GALK2: variants seen among roughly 807,000 people sequenced by gnomAD.
GALK2 encodes N-acetylgalactosamine kinase.
In GALK2, 36 loss-of-function variants were observed where a neutral mutation model predicts 52.4. The observed-to-expected ratio is 0.69, with a 90% confidence interval of 0.53 to 0.91. The LOEUF (loss-of-function observed/expected upper bound fraction) is 0.91. Ranked by LOEUF, GALK2 falls within the 40% of genes least tolerant of loss-of-function variation. GALK2 has a pLI of 0.00. For missense variants in GALK2, 579 were observed against 559.1 expected (o/e 1.04, Z -0.36); for synonymous variants, 176 against 199.1 (o/e 0.88, Z 0.98).
In GALK2 at chr15:49,341,014, G is replaced by C. The variant is rs527916506; in HGVS notation, c.426+21209G>C. Among the ~76,000 whole-genome samples, 87 of 152,254 alleles carry C rather than the reference G, an allele frequency of 5.7e-4. 1 individual carries two copies. Among genetic ancestry groups the C allele is most frequent in the Admixed American group, 4.8e-3 (74 of 15,286 alleles). ...CAGCTATCCCAGTACCATTTATTGA[G>C]TAGGAAGTCCTTTCCCCATTGCTTG... is the stretch of plus-strand genomic sequence containing the variant. On this transcript the variant is annotated intron_variant, in intron 3 of 3. Coordinates refer to the GALK2 transcript ENST00000558399.
chr15:49,362,906 C>G (rs1003743718), intron 3 of GALK2, among the ~76,000 whole-genome samples: 6 of 152,010 alleles, frequency 3.9e-5, no homozygotes, highest in African/African-American at 1.5e-4. Context: ...CTTGTTTTGT[C>G]AACTTTGTCA....
intron 5 of GALK2, among the ~76,000 whole-genome samples, chr15:49,274,994 A>G (rs150723694): frequency 8.5e-5 from 13 of 152,224 alleles, no homozygotes; most frequent in African/African-American, 3.1e-4. Context: ...TAAGTAGAAG[A>G]CATATGCTCT....
intron 3 of GALK2, among the ~76,000 whole-genome samples, chr15:49,220,466 CTTTA>C (rs529756902): frequency 5.1e-4 from 78 of 151,976 alleles, no homozygotes; most frequent in Non-Finnish European, 9.0e-4. Flanking sequence ...TATACATTTT[CTTTA>C]TTTATTCATC....
intron 5 of GALK2, among the ~76,000 whole-genome samples, chr15:49,249,867 T>C (rs2091513589): frequency 6.6e-6 from 1 of 152,234 alleles, no homozygotes; most frequent in Admixed American, 6.5e-5. Flanking sequence ...TTCCTCTTCC[T>C]TATTTGGAGG....
chr15:49,283,045 C>CA (rs1173507103), intron 6 of GALK2, among the ~76,000 whole-genome samples: 1 of 152,186 alleles, frequency 6.6e-6, no homozygotes, highest in African/African-American at 2.4e-5. Context: ...TCTCACCCCT[C>CA]AAACTGTAAG....
At chr15:49,289,810 C>T (rs1266261357) in intron 7 of GALK2, among the ~76,000 whole-genome samples, 2 of 152,156 alleles carry the variant, frequency 1.3e-5, no homozygotes, top group Admixed American at 1.3e-4. Flanking sequence ...ATTTTTGTCA[C>T]AGGGCCTGCG....
intron 1 of GALK2, among the ~76,000 whole-genome samples, chr15:49,186,479 G>A (rs1159235457): frequency 1.3e-5 from 2 of 149,480 alleles, no homozygotes; most frequent in Admixed American, 6.7e-5. Context: ...TTATTTTAAT[G>A]TATTTGTTAA....
intron 3 of GALK2, chr15:49,366,735 G>T: frequency 1.0e-6 from 1 of 967,216 alleles, no homozygotes; most frequent in Non-Finnish European, 1.6e-6. Context: ...ACTAGGTGGG[G>T]TAGGCTGGGA....
intron 1 of GALK2, chr15:49,156,204 T>G: frequency 1.6e-6 from 1 of 616,794 alleles, no homozygotes; most frequent in South Asian, 1.9e-5. Context: ...GCCTTAAATC[T>G]TACTCAGTTG....
At chr15:49,333,936 AT>A (rs1287337748), downstream of GALK2, among the ~76,000 whole-genome samples, 2 of 151,898 alleles carry the variant, frequency 1.3e-5, no homozygotes, top group Non-Finnish European at 2.9e-5. Flanking sequence ...GACCAGCTAA[AT>A]CTGTTGTTTT....
At chr15:49,195,927 T>C (rs560663744) in intron 1 of GALK2, among the ~76,000 whole-genome samples, 34 of 152,184 alleles carry the variant, frequency 2.2e-4, no homozygotes, top group African/African-American at 4.1e-4. Flanking sequence ...CAGACTATTA[T>C]AGTTTCTGAT....
chr15:49,235,707 TTTTGCTGTAGACACACAG>T, intron 3 of GALK2, 126 bp from the exon 4 acceptor site: 1 of 770,030 alleles, frequency 1.3e-6, no homozygotes, highest in Non-Finnish European at 2.4e-6. Context: ...GCTGGAGATG[TTTTGCTGTAGACACACAG>T]TTTGAACATA....
chr15:49,156,501 A>C (rs2084456070), intron 1 of GALK2: 1 of 498,956 alleles, frequency 2.0e-6, no homozygotes, highest in South Asian at 1.6e-5. Context: ...AAAGATGACA[A>C]GCTGCTGTCA....
At position 49,161,527 on chromosome 15, in the gene GALK2, A is replaced by G. The variant is rs181856762; in HGVS notation, c.20+5511A>G. Among the ~76,000 whole-genome samples the G allele has an allele frequency of 1.1e-3, 161 of 152,252 alleles. 1 individual carries two copies. The highest frequency in any genetic ancestry group is 3.7e-3 in the African/African-American group (152 of 41,546). ...TTTTTCTTGACATTAATTTTATTCA[A>G]TGGTAAATAATAGAAAATTGTAATT... On this transcript the variant is annotated intron_variant, in intron 1 of 9. Coordinates refer to the GALK2 transcript ENST00000327171.
At chr15:49,171,647 G>A (rs1190975785) in intron 1 of GALK2, among the ~76,000 whole-genome samples, 1 of 152,096 alleles carries the variant, frequency 6.6e-6, no homozygotes, top group Non-Finnish European at 1.5e-5. Flanking sequence ...ATACTCTAGA[G>A]GTTCTTGTAT....
intron 8 of GALK2, among the ~76,000 whole-genome samples, chr15:49,309,811 G>A (rs112511962): frequency 6.6e-6 from 1 of 151,986 alleles, no homozygotes; most frequent in Non-Finnish European, 1.5e-5. Context: ...GTAGAGACAG[G>A]TTTCTCCATG....
At chr15:49,270,451 G>T (rs1337898638) in intron 5 of GALK2, among the ~76,000 whole-genome samples, 1 of 152,146 alleles carries the variant, frequency 6.6e-6, no homozygotes, top group Non-Finnish European at 1.5e-5. Context: ...AAAATATAAT[G>T]AAAATCACCT....
chr15:49,354,623 G>C (rs2042800607), intron 3 of GALK2, among the ~76,000 whole-genome samples: 1 of 152,232 alleles, frequency 6.6e-6, no homozygotes, highest in Non-Finnish European at 1.5e-5. Flanking sequence ...CTGATTGCTA[G>C]CACAGCAGTC....
chr15:49,204,927 A>G (rs2088140358), intron 2 of GALK2, among the ~76,000 whole-genome samples: 1 of 152,174 alleles, frequency 6.6e-6, no homozygotes. Context: ...CTTAGCCCCC[A>G]CATATCAGTG....
Sources: gnomAD v4.1 joint callset for allele counts (sites outside exome capture counted in the v4.1 genomes callset) on GRCh38, gnomAD v4.1.1 for gene constraint, MANE v1.5 for transcripts, NCBI Gene and HGNC (gene_info 2026-07-23, HGNC 2026-07-21) for gene names.